The following TMOD1 variants were observed in gnomAD, a reference collection of about 807,000 sequenced individuals.
TMOD1 encodes tropomodulin 1, also known as tropomodulin-1.
Under a neutral mutation model 40.6 loss-of-function variants are expected in TMOD1, and 17 were observed. That is an observed-to-expected ratio of 0.42 (90% CI 0.29 to 0.63). TMOD1 has a LOEUF of 0.63. Among genes scored for constraint, TMOD1 ranks in the 20% least tolerant of loss-of-function variants. TMOD1 has a pLI of 0.22. For synonymous variants in TMOD1, 181 were observed against 175.0 expected (o/e 1.03, Z -0.27); for missense variants, 391 against 447.6 (o/e 0.87, Z 1.14).
intron 1 of TMOD1, among the ~76,000 whole-genome samples, chr9:97,508,594 T>C (rs1829640657): frequency 6.6e-6 from 1 of 152,200 alleles, no homozygotes; most frequent in African/African-American, 2.4e-5. Flanking sequence ...GCCTGGGATA[T>C]TATGTAAGCG....
At chr9:97,517,089 A>G (rs1336088002) in intron 1 of TMOD1, among the ~76,000 whole-genome samples, 6 of 152,130 alleles carry the variant, frequency 3.9e-5, no homozygotes, top group Admixed American at 3.3e-4. Context: ...GCTCACACGT[A>G]TAATCCCAGC....
chr9:97,594,699 C>G (rs1826070044), intron 9 of TMOD1, among the ~76,000 whole-genome samples: 1 of 152,236 alleles, frequency 6.6e-6, no homozygotes, highest in South Asian at 2.1e-4. Flanking sequence ...GTCTTCGGTC[C>G]TCCCCACCCT....
At chr9:97,586,970 G>A (rs546738825) in intron 8 of TMOD1, among the ~76,000 whole-genome samples, 70 of 152,332 alleles carry the variant, frequency 4.6e-4, no homozygotes, top group African/African-American at 1.1e-3. Flanking sequence ...CGTCTTCTGC[G>A]TTGCTCACGC....
Position 97,600,993 on chromosome 9 carries a change from A to C in TMOD1, c.*1295A>C. Reference sequence around the variant, plus strand: ...TAAAGGACAAGGTCAAGAACTCCAGAGCACTGAGCAGAGAGGCTGGTGATG... The same window carrying C: ...TAAAGGACAAGGTCAAGAACTCCAGCGCACTGAGCAGAGAGGCTGGTGATG... On this transcript the variant is annotated 3_prime_UTR_variant, in exon 10 of 10. Coordinates refer to ENST00000259365, the MANE Select transcript of TMOD1 (RefSeq NM_003275.4). The C allele has an allele frequency of 1.6e-6, 2 of 1,252,146 alleles. No homozygotes were observed. Among genetic ancestry groups the C allele is most frequent in the Non-Finnish European group, 2.1e-6 (2 of 959,768 alleles). 77.6% of individuals were successfully genotyped at this position (1,252,146 alleles called of 1,614,324 possible).
chr9:97,562,973 A>G (rs1306154461), intron 5 of TMOD1, 152 bp downstream of exon 5: 10 of 585,654 alleles, frequency 1.7e-5, no homozygotes, highest in Non-Finnish European at 2.6e-5. Context: ...TGTCTTGTTT[A>G]CAAAGGCCTT....
chr9:97,556,050 G>T (rs1830531862), intron 4 of TMOD1, among the ~76,000 whole-genome samples: 1 of 151,966 alleles, frequency 6.6e-6, no homozygotes, highest in Non-Finnish European at 1.5e-5. Context: ...ATGAAACTTG[G>T]GACTAGGGGC....
intron 3 of TMOD1, among the ~76,000 whole-genome samples, chr9:97,549,433 G>A (rs901800318): frequency 1.6e-4 from 24 of 152,144 alleles, no homozygotes; most frequent in African/African-American, 5.3e-4. Flanking sequence ...ACCTGTTATG[G>A]GGTATAATAA....
At chr9:97,535,398 C>T (rs994922941) in intron 2 of TMOD1, among the ~76,000 whole-genome samples, 2 of 152,168 alleles carry the variant, frequency 1.3e-5, no homozygotes, top group Non-Finnish European at 2.9e-5. Context: ...GCCTCTGCTG[C>T]ACTGTGCTTT....
intron 4 of TMOD1, among the ~76,000 whole-genome samples, chr9:97,553,973 A>C (rs1336834535): frequency 6.6e-6 from 1 of 151,000 alleles, no homozygotes; most frequent in African/African-American, 2.4e-5. Context: ...CCTTTGCCCC[A>C]CTCCCTGCCT....
chr9:97,524,761 C>T (rs1829979400), intron 2 of TMOD1, among the ~76,000 whole-genome samples: 1 of 152,082 alleles, frequency 6.6e-6, no homozygotes, highest in Non-Finnish European at 1.5e-5. Flanking sequence ...GCCAATGTCC[C>T]AGCTCAAGGC....
In TMOD1 at chr9:97,532,547, A is replaced by G. The variant is rs75716473; in HGVS notation, c.120+8239A>G. Among the ~76,000 whole-genome samples, 7 of 152,296 alleles carry G rather than the reference A, an allele frequency of 4.6e-5. No homozygotes were observed. In the East Asian group the frequency reaches 1.3e-3, roughly 29 times the overall value. ...TTTTAAACACATAGGAGAGTACAGT[A>G]TATACCTATTTTCTCATCATCTGAA... On this transcript the variant is annotated intron_variant, in intron 2 of 9. Coordinates refer to ENST00000259365, the MANE Select transcript of TMOD1 (RefSeq NM_003275.4).
intron 1 of TMOD1, among the ~76,000 whole-genome samples, chr9:97,514,125 G>A (rs994478325): frequency 2.0e-5 from 3 of 151,704 alleles, no homozygotes; most frequent in Admixed American, 6.6e-5. Context: ...ACAGCAGCAC[G>A]ATCTTGGCTC....
intron 5 of TMOD1, among the ~76,000 whole-genome samples, 172 bp from the exon 6 acceptor site, chr9:97,563,866 C>A (rs1830678457): frequency 6.6e-6 from 1 of 152,188 alleles, no homozygotes; most frequent in African/African-American, 2.4e-5. Context: ...AGCCTCCTGG[C>A]TCCCTTGCGG....
At chr9:97,562,658 G>C (rs1343778151) in intron 4 of TMOD1, 74 bp from the exon 5 acceptor site, 7 of 1,119,736 alleles carry the variant, frequency 6.3e-6, no homozygotes, top group African/African-American at 3.3e-5. Context: ...AGTTCCCGGG[G>C]TTTGGAGTGT....
At chr9:97,548,607 G>T (rs975040651) in intron 3 of TMOD1, among the ~76,000 whole-genome samples, 2 of 152,164 alleles carry the variant, frequency 1.3e-5, no homozygotes, top group African/African-American at 4.8e-5. Flanking sequence ...TGTGAGGGAT[G>T]GGGAAGGGAG....
At chr9:97,545,961 T>A (rs1428898290) in intron 2 of TMOD1, among the ~76,000 whole-genome samples, 1 of 152,188 alleles carries the variant, frequency 6.6e-6, no homozygotes, top group Non-Finnish European at 1.5e-5. Flanking sequence ...TCCTAGCCTC[T>A]CTCTGCCCCT....
intron 2 of TMOD1, among the ~76,000 whole-genome samples, chr9:97,525,676 C>G (rs1159041699): frequency 2.0e-5 from 3 of 152,224 alleles, no homozygotes; most frequent in Non-Finnish European, 4.4e-5. Flanking sequence ...TCTCCTGTAT[C>G]CAGACATACT....
At chr9:97,586,005 C>T (rs867471707) in intron 8 of TMOD1, among the ~76,000 whole-genome samples, 1 of 151,276 alleles carries the variant, frequency 6.6e-6, no homozygotes, top group East Asian at 1.9e-4. Context: ...TCTCTCAGCT[C>T]GTGAAAGTCA....
At chr9:97,551,676 C>T (rs748113097) in intron 3 of TMOD1, among the ~76,000 whole-genome samples, 12 of 152,112 alleles carry the variant, frequency 7.9e-5, no homozygotes, top group Non-Finnish European at 1.6e-4. Context: ...ATTTGTCGCC[C>T]GTAATTCCAT....
Sources: allele counts gnomAD v4.1 joint callset (sites outside exome capture counted in the v4.1 genomes callset), GRCh38; gene constraint gnomAD v4.1.1; transcripts MANE v1.5; gene names NCBI Gene and HGNC (gene_info 2026-07-23, HGNC 2026-07-21).